The following KCNT1 variants were observed in gnomAD, a reference collection of about 807,000 sequenced individuals.
KCNT1 encodes the protein potassium sodium-activated channel subfamily T member 1.
KCNT1 carries 78 observed loss-of-function variants against 147.8 expected under a neutral mutation model. The ratio of observed to expected loss-of-function variants is 0.53; its 90% CI spans 0.44 to 0.64. KCNT1 has a LOEUF of 0.64. Among genes scored for constraint, KCNT1 ranks in the 30% least tolerant of loss-of-function variants. The pLI is 0.00. For synonymous variants in KCNT1, 867 were observed against 748.8 expected (o/e 1.16, Z -2.58); for missense variants, 1,419 against 1,750.3 (o/e 0.81, Z 3.38).
At chr9:135,773,727 A>G (rs1411023319) in intron 19 of KCNT1, among the ~76,000 whole-genome samples, 1 of 152,250 alleles carries the variant, frequency 6.6e-6, no homozygotes, top group Non-Finnish European at 1.5e-5. Context: ...GGTGGGGTCA[A>G]CACACTGTAA....
chr9:135,774,221 C>A (rs1228837140), intron 19 of KCNT1, among the ~76,000 whole-genome samples: 2 of 135,450 alleles, frequency 1.5e-5, no homozygotes, highest in Admixed American at 7.4e-5. Context: ...TATGTGGTGT[C>A]TGTGTGTTGT....
intron 2 of KCNT1, among the ~76,000 whole-genome samples, chr9:135,729,662 G>A (rs898159207): frequency 6.6e-6 from 1 of 152,216 alleles, no homozygotes; most frequent in African/African-American, 2.4e-5. Flanking sequence ...TCCACCGTCT[G>A]CACGTGTCCG....
chr9:135,735,738 C>A (rs1410366390), intron 2 of KCNT1, among the ~76,000 whole-genome samples: 1 of 152,136 alleles, frequency 6.6e-6, no homozygotes, highest in Non-Finnish European at 1.5e-5. Flanking sequence ...TGCAAGGACT[C>A]CAGGTCTGGG....
chr9:135,712,566 CA>C lies in KCNT1; in HGVS notation c.111-2005del, dbSNP rs1835546021. On this transcript the variant is annotated intron_variant, in intron 1 of 30. Transcript: ENST00000371757. ...CAACACTCCCCTCTCCCCCTGTGCC[CA>C]AAAAAGCTGGCCGATGTAGGCCTTC... Among the ~76,000 whole-genome samples, 5 of 152,164 alleles carry C rather than the reference CA, an allele frequency of 3.3e-5. No individual in the cohort carries two copies. The Middle Eastern group carries it at 0.014, about 417-fold the overall frequency.
chr9:135,725,643 T>C (rs1836104958), intron 2 of KCNT1, among the ~76,000 whole-genome samples: 1 of 151,952 alleles, frequency 6.6e-6, no homozygotes, highest in African/African-American at 2.4e-5. Flanking sequence ...CATGCACAAA[T>C]GAGAGGGTGC....
Position 135,730,990 on chromosome 9 carries a change from T to TAAAAAAAAAAAAAAAAAAAAAAAAAAA in KCNT1, c.254+16293_254+16294insAAAAAAAAAAAAAAAAAAAAAAAAAAA, listed in dbSNP as rs56307359. On this transcript the variant is annotated intron_variant, in intron 2 of 30. Coordinates refer to ENST00000371757, the MANE Select transcript of KCNT1 (RefSeq NM_020822.3). The surrounding 1 kb of genome is among the most constrained non-coding windows in gnomAD (Gnocchi z 4.7). The stretch of plus-strand genomic sequence containing the variant: ...AACAAAGTGAGATCCCGTCTCAAGG[T>TAAAAAAAAAAAAAAAAAAAAAAAAAAA]AAAAAAAAAAAAAAAAAAAAAAAGT... Among the ~76,000 whole-genome samples, 1 of 85,594 alleles carries TAAAAAAAAAAAAAAAAAAAAAAAAAAA rather than the reference T, an allele frequency of 1.2e-5. No homozygotes were observed. The highest frequency in any genetic ancestry group is 2.2e-5 in the Non-Finnish European group (1 of 44,672). The allele number at this position is 85,594 out of a possible 152,430, so 56.2% of individuals were successfully genotyped here.
At chr9:135,720,934 G>A (rs887236213) in intron 2 of KCNT1, among the ~76,000 whole-genome samples, 1 of 152,240 alleles carries the variant, frequency 6.6e-6, no homozygotes. Context: ...TGAAACAGAG[G>A]GGGACAGTCA....
Position 135,784,121 on chromosome 9 carries a change from A to G in KCNT1, c.2939A>G (p.Tyr980Cys). The change falls in exon 25 of 31, where the codon TAC becomes TGC. Residue 980 changes from tyrosine (Y) to cysteine (C), a missense_variant. Around this residue, in one of 5 missense-constraint regions of KCNT1, gnomAD observed 247 missense variants for 397.1 expected, o/e 0.62. Coordinates refer to ENST00000371757, the MANE Select transcript of KCNT1 (RefSeq NM_020822.3). ...FSISMLDTLL[Y>C]QSFVKDYMIT... ...ATCAGCATGTTGGACACACTGCTCT[A>G]CCAGGTCAGCGGGGAAGCGGCAGCA... The G allele has an allele frequency of 6.2e-7, 1 of 1,603,358 alleles. No individual in the cohort carries two copies. The highest frequency in any genetic ancestry group is 8.5e-7 in the Non-Finnish European group (1 of 1,179,506).
rs1284346691 is a variant in KCNT1, at chr9:135,755,082, C to A, written c.492-39C>A. On this transcript the variant is annotated intron_variant, in intron 5 of 30. Coordinates refer to ENST00000371757, the MANE Select transcript of KCNT1 (RefSeq NM_020822.3). ...CAGGGTGGCTGGGGGACACTAGTGGCTGTGGTGCCCTACTGTGCTGCCTCC... is the reference window on the plus strand; with the variant it reads ...CAGGGTGGCTGGGGGACACTAGTGGATGTGGTGCCCTACTGTGCTGCCTCC... The A allele has an allele frequency of 5.7e-6, 9 of 1,568,766 alleles. 1 individual carries two copies. The highest frequency in any genetic ancestry group is 1.9e-5 in the Admixed American group (1 of 53,254).
chr9:135,702,295 G>A lies in KCNT1; in HGVS notation c.37G>A (p.Val13Ile), dbSNP rs1433663811. 1 of 1,609,736 alleles carries A rather than the reference G, an allele frequency of 6.2e-7. No homozygotes were observed. The highest frequency in any genetic ancestry group is 8.5e-7 in the Non-Finnish European group (1 of 1,178,312). Reference sequence around the variant, plus strand: ...TGACGGGGCGCGGACCCCGGGGGGCGTCTGCCGGGAGGCGCGCGGCGGGGG... The same window carrying A: ...TGACGGGGCGCGGACCCCGGGGGGCATCTGCCGGGAGGCGCGCGGCGGGGG... Reference protein sequence around the residue: ...LPDGARTPGGVCREARGGGYT... With the variant: ...LPDGARTPGGICREARGGGYT... Residue 13 changes from valine (V) to isoleucine (I), a missense_variant, in exon 1 of 31, where the codon GTC (valine) becomes ATC (isoleucine). Val to Ile is a conservative substitution (Grantham distance 29). Transcript: ENST00000371757.
chr9:135,777,716 T>TCCTGCTCCCAGCTCCTCCCCACACCCACC (rs1833272973), intron 21 of KCNT1, among the ~76,000 whole-genome samples: 1 of 145,998 alleles, frequency 6.8e-6, no homozygotes, highest in South Asian at 2.2e-4. Flanking sequence ...CCACACCCAC[T>TCCTGCTCCCAGCTCCTCCCCACACCCACC]CCTGCTCCCA....
At chr9:135,759,935 T>A in intron 11 of KCNT1, 76 bp downstream of exon 11, 1 of 1,381,872 alleles carries the variant, frequency 7.2e-7, no homozygotes, top group Non-Finnish European at 9.8e-7. Flanking sequence ...AGGGTGCCAC[T>A]GAGGCTGTGG....
At chr9:135,773,371 C>T (rs967163141) in intron 19 of KCNT1, among the ~76,000 whole-genome samples, 19 of 152,222 alleles carry the variant, frequency 1.2e-4, no homozygotes, top group African/African-American at 3.9e-4. Context: ...GCAGTGACCC[C>T]AGGCCATCCT....
chr9:135,794,210 T>C lies in KCNT1; in HGVS notation c.*2049T>C, dbSNP rs72771913. On this transcript the variant is annotated 3_prime_UTR_variant, in exon 31 of 31. Coordinates refer to ENST00000371757, the MANE Select transcript of KCNT1 (RefSeq NM_020822.3). Reference sequence around the variant, plus strand: ...CACCATGGGGGAGTCGCATGACTTATTCGGGATTGACTTGCGATGTGGATG... The same window carrying C: ...CACCATGGGGGAGTCGCATGACTTACTCGGGATTGACTTGCGATGTGGATG... The C allele has an allele frequency of 0.13, 19,770 of 152,304 alleles. 1,522 individuals carry two copies. Among genetic ancestry groups the C allele is most frequent in the South Asian group, 0.18 (866 of 4,822 alleles). 9.4% of individuals were successfully genotyped at this position (152,304 alleles called of 1,614,324 possible). A position where few individuals can be genotyped will look rare whatever the true frequency, so the allele number is the denominator to read the frequency against.
intron 2 of KCNT1, 97 bp from the exon 3 acceptor site, chr9:135,750,000 GA>G: frequency 1.1e-6 from 1 of 931,442 alleles, no homozygotes. Context: ...CCTGCAGTTG[GA>G]AAGTTGGAAG....
chr9:135,775,321 G>T lies in KCNT1; in HGVS notation c.2255G>T (p.Gly752Val). The change falls in exon 20 of 31, where the codon GGC (glycine) becomes GTC (valine). Residue 752 changes from glycine (G) to valine (V), a missense_variant. Physicochemically the swap from Gly to Val is moderately radical, Grantham distance 109. Transcript: ENST00000371757. ...GTCTCCTGCCCCAGGTATGTGAAGG[G>T]CTACCCTCCCAACTCGCCCTACATC... ...EGLSVVEYVKGYPPNSPYIGS... is the reference protein window; with the variant it reads ...EGLSVVEYVKVYPPNSPYIGS... The T allele has an allele frequency of 6.2e-7, 1 of 1,607,286 alleles. No individual in the cohort carries two copies. Among genetic ancestry groups the T allele is most frequent in the Non-Finnish European group, 8.5e-7 (1 of 1,176,838 alleles).
At chr9:135,786,856 G>A (rs1203735965) in intron 29 of KCNT1, among the ~76,000 whole-genome samples, 1 of 152,244 alleles carries the variant, frequency 6.6e-6, no homozygotes, top group East Asian at 1.9e-4. Flanking sequence ...TTCCCTCTCT[G>A]CCAAATTAGA....
intron 15 of KCNT1, among the ~76,000 whole-genome samples, chr9:135,769,160 A>T (rs113775413): frequency 5.8e-4 from 49 of 84,620 alleles, no homozygotes; most frequent in Middle Eastern, 0.01. Context: ...CACGTGGGTG[A>T]CGGTGCGTCT....
intron 13 of KCNT1, among the ~76,000 whole-genome samples, chr9:135,768,286 G>A (rs1832463446): frequency 2.5e-5 from 2 of 80,028 alleles, no homozygotes; most frequent in Non-Finnish European, 4.7e-5. Context: ...GGGGGCACAG[G>A]GATGCCTGCT....
Sources: gnomAD v4.1 joint callset for allele counts (sites outside exome capture counted in the v4.1 genomes callset) on GRCh38, gnomAD v4.1.1 for gene constraint, gnomAD v4.1.1 regional missense constraint, Gnocchi (gnomAD v3.1) non-coding constraint, MANE v1.5 for transcripts, NCBI Gene and HGNC (gene_info 2026-07-23, HGNC 2026-07-21) for gene names.